TMPRSS11E: variants seen among roughly 807,000 people sequenced by gnomAD.
The protein encoded by TMPRSS11E is transmembrane protease serine 11E.
A neutral mutation model predicts 48.1 loss-of-function variants in TMPRSS11E; 38 were observed. That is an observed-to-expected ratio of 0.79 (90% CI 0.61 to 1.04). The LOEUF (loss-of-function observed/expected upper bound fraction) is 1.04, where lower values mean the gene tolerates loss of function less well. Ranked by LOEUF, TMPRSS11E falls within the 50% of genes least tolerant of loss-of-function variation. TMPRSS11E has a pLI of 0.00. For missense variants in TMPRSS11E, 530 were observed against 510.8 expected, an observed-to-expected ratio of 1.04 and a Z score of -0.36; for synonymous variants, 158 against 171.9, an observed-to-expected ratio of 0.92 and a Z score of 0.63.
At chr4:68,450,886 C>T (rs1728480271) in intron 1 of TMPRSS11E, among the ~76,000 whole-genome samples, 4 of 151,814 alleles carry the variant, frequency 2.6e-5, no homozygotes, top group Admixed American at 2.6e-4. Context: ...TATCTTAGAG[C>T]AATATTTCAT....
intron 2 of TMPRSS11E, among the ~76,000 whole-genome samples, chr4:68,464,056 A>T (rs1171540626): frequency 6.6e-6 from 1 of 152,174 alleles, no homozygotes; most frequent in East Asian, 1.9e-4. Context: ...TGTTGTTTGG[A>T]TGATCAACTG....
intron 9 of TMPRSS11E, among the ~76,000 whole-genome samples, chr4:68,488,567 C>T (rs1195859774): frequency 1.3e-5 from 2 of 152,032 alleles, no homozygotes; most frequent in Non-Finnish European, 2.9e-5. Context: ...CTCTCAGAGT[C>T]TCACTCGGTT....
intron 9 of TMPRSS11E, among the ~76,000 whole-genome samples, chr4:68,489,656 G>A (rs1729660649): frequency 6.6e-6 from 1 of 152,340 alleles, no homozygotes; most frequent in Admixed American, 6.5e-5. Flanking sequence ...CTCTCCAGCT[G>A]TTAGGCAGGG....
intron 5 of TMPRSS11E, 110 bp from the exon 6 acceptor site, chr4:68,474,613 A>C: frequency 7.2e-6 from 7 of 975,468 alleles, no homozygotes; most frequent in Non-Finnish European, 1.1e-5. Context: ...TTTATAATCT[A>C]GAGATACTGT....
In TMPRSS11E at chr4:68,454,441, A is replaced by G. The variant is rs1230094351; in HGVS notation, c.11+6918A>G. 2.0e-5 allele frequency among the ~76,000 whole-genome samples: 3 copies of G among 151,928 alleles called. No individual in the cohort carries two copies. The East Asian group carries it at 5.8e-4, about 29-fold the overall frequency. The stretch of plus-strand genomic sequence containing the variant: ...TTATTATTAAATGCCAATATATTAG[A>G]ACGTAATTGTCAAGGTGAGTATATA... On this transcript the variant is annotated intron_variant, in intron 1 of 9. Transcript: ENST00000305363.
intron 2 of TMPRSS11E, among the ~76,000 whole-genome samples, chr4:68,465,263 A>G (rs927666387): frequency 1.1e-4 from 17 of 152,184 alleles, no homozygotes; most frequent in African/African-American, 3.9e-4. Context: ...CCTGCCTGCC[A>G]TTCATCTCTT....
intron 1 of TMPRSS11E, among the ~76,000 whole-genome samples, chr4:68,456,691 T>C (rs1219891085): frequency 6.6e-6 from 1 of 151,766 alleles, no homozygotes; most frequent in Non-Finnish European, 1.5e-5. Context: ...CAAATACATA[T>C]CATATGCCAA....
intron 9 of TMPRSS11E, among the ~76,000 whole-genome samples, chr4:68,485,752 G>T (rs908698485): frequency 3.9e-5 from 6 of 152,074 alleles, no homozygotes; most frequent in Non-Finnish European, 8.8e-5. Context: ...ATATCTGGTA[G>T]AATTTGGCTG....
intron 1 of TMPRSS11E, among the ~76,000 whole-genome samples, chr4:68,448,647 G>A (rs1274647398): frequency 1.3e-5 from 2 of 151,754 alleles, no homozygotes; most frequent in African/African-American, 2.4e-5. Context: ...TGGGAATACT[G>A]GAGTGAATTT....
chr4:68,469,093 C>T (rs1728996156), intron 4 of TMPRSS11E, 147 bp downstream of exon 4: 3 of 719,448 alleles, frequency 4.2e-6, no homozygotes, highest in Non-Finnish European at 7.2e-6. Context: ...GTTACAAAGT[C>T]CCTTATTCAT....
At chr4:68,468,774 T>C (rs1560551441) in intron 3 of TMPRSS11E, 105 bp from the exon 4 acceptor site, 2 of 889,970 alleles carry the variant, frequency 2.2e-6, no homozygotes, top group South Asian at 2.8e-5. Context: ...ATGTCAATGT[T>C]TTTTGCTCTG....
At position 68,476,265 on chromosome 4, in the gene TMPRSS11E, C is replaced by G. The variant is rs138790575; in HGVS notation, c.534C>G (p.Cys178Trp). The change falls in exon 7 of 10, where the codon TGC becomes TGG. Residue 178 changes from cysteine to tryptophan, a missense_variant. Coordinates refer to ENST00000305363, the MANE Select transcript of TMPRSS11E (RefSeq NM_014058.4). Reference sequence around the variant, plus strand: ...CCCCCCCTCTCTCTTTTGCAGGCTGCGGAACACGAAGAAGTAAAACTCTAG... The same window carrying G: ...CCCCCCCTCTCTCTTTTGCAGGCTGGGGAACACGAAGAAGTAAAACTCTAG... ...TETDSYLNHCCGTRRSKTLGQ... is the reference protein window; with the variant it reads ...TETDSYLNHCWGTRRSKTLGQ... 1 of 1,613,878 alleles carries G rather than the reference C, an allele frequency of 6.2e-7. No homozygotes were observed.
chr4:68,482,274 C>G (rs2708693), intron 9 of TMPRSS11E, among the ~76,000 whole-genome samples: 100,448 of 151,874 alleles, frequency 0.66, 33,592 homozygotes, highest in East Asian at 0.86. Flanking sequence ...TGAACACCTC[C>G]CACCAGGTCC....
intron 8 of TMPRSS11E, among the ~76,000 whole-genome samples, chr4:68,478,160 T>C (rs2109699998): frequency 6.7e-6 from 1 of 149,826 alleles, no homozygotes; most frequent in African/African-American, 2.4e-5. Context: ...TTTTTTTTTT[T>C]TTTTTGAGAC....
rs546037999 is a variant in TMPRSS11E at position 68,488,832 on chromosome 4, G to A, written c.1111-7811G>A. Among the ~76,000 whole-genome samples, 10 of 152,294 alleles carry A rather than the reference G, an allele frequency of 6.6e-5. 1 individual carries two copies. The highest frequency in any genetic ancestry group is 2.4e-4 in the African/African-American group (10 of 41,556). On this transcript the variant is annotated intron_variant, in intron 9 of 9. Coordinates refer to ENST00000305363, the MANE Select transcript of TMPRSS11E (RefSeq NM_014058.4). The stretch of plus-strand genomic sequence containing the variant: ...TGGGATTACAGGCGTGAGCCACCGC[G>A]CCCGACCCTGATTCTTTCTTAAAAT...
chr4:68,481,687 T>C (rs1173235682), intron 9 of TMPRSS11E, among the ~76,000 whole-genome samples: 1 of 152,138 alleles, frequency 6.6e-6, no homozygotes, highest in African/African-American at 2.4e-5. Context: ...TGGTGGCTCA[T>C]GCAGGTAATC....
intron 1 of TMPRSS11E, among the ~76,000 whole-genome samples, chr4:68,458,833 T>C (rs747123555): frequency 6.8e-4 from 104 of 152,170 alleles, no homozygotes; most frequent in Non-Finnish European, 1.0e-3. Flanking sequence ...ATCTTAGTAA[T>C]GTGGTCATTA....
Position 68,451,566 on chromosome 4 carries a change from G to A in TMPRSS11E, c.11+4043G>A, listed in dbSNP as rs181741659. Among the ~76,000 whole-genome samples, 8 of 152,026 alleles carry A rather than the reference G, an allele frequency of 5.3e-5. No homozygotes were observed. In the East Asian group the frequency reaches 1.5e-3, roughly 29 times the overall value. On this transcript the variant is annotated intron_variant, in intron 1 of 9. Transcript: ENST00000305363. ...ATTTTGCAACCTTTTATCTGAAAAT[G>A]TCAGATGATATCTCTGTTTTGAAAC...
intron 5 of TMPRSS11E, 43 bp downstream of exon 5, chr4:68,471,666 T>C (rs1358732865): frequency 6.8e-7 from 1 of 1,470,168 alleles, no homozygotes; most frequent in Non-Finnish European, 9.0e-7. Flanking sequence ...AACAGCTTCA[T>C]GTTAGGTTTG....
Sources: gnomAD v4.1 joint callset for allele counts (sites outside exome capture counted in the v4.1 genomes callset) on GRCh38, gnomAD v4.1.1 for gene constraint, MANE v1.5 for transcripts, NCBI Gene and HGNC (gene_info 2026-07-23, HGNC 2026-07-21) for gene names.